DOCK7: variants seen among roughly 807,000 people sequenced by gnomAD.
DOCK7 encodes dedicator of cytokinesis 7, also known as dedicator of cytokinesis protein 7.
A neutral mutation model predicts 271.0 loss-of-function variants in DOCK7; 138 were observed. The observed-to-expected ratio is 0.51, with a 90% CI of 0.44 to 0.59. DOCK7 has a LOEUF of 0.59. Among genes scored for constraint, DOCK7 ranks in the 20% least tolerant of loss-of-function variants. DOCK7 has a pLI of 0.00. For synonymous variants in DOCK7, 823 were observed against 876.1 expected (o/e 0.94, Z 1.07); for missense variants, 2,066 against 2,592.4 (o/e 0.80, Z 4.41).
intron 2 of DOCK7, among the ~76,000 whole-genome samples, chr1:62,661,412 G>A (rs959141114): frequency 7.2e-5 from 11 of 151,756 alleles, no homozygotes; most frequent in African/African-American, 2.7e-4. Flanking sequence ...AAATAAAACT[G>A]GTTAGAATGG....
intron 42 of DOCK7, 98 bp downstream of exon 42, chr1:62,488,836 C>T: frequency 2.0e-6 from 3 of 1,479,312 alleles, no homozygotes; most frequent in Middle Eastern, 1.7e-4. Context: ...TTAAAATGGT[C>T]ATTTCACGGG....
At chr1:62,604,167 A>G (rs1285100079) in intron 14 of DOCK7, 1 of 1,613,414 alleles carries the variant, frequency 6.2e-7, no homozygotes, top group East Asian at 2.2e-5. Flanking sequence ...CCGGAAAACA[A>G]AGATTTGGTG....
At chr1:62,544,608 C>A (rs1645640279) in intron 23 of DOCK7, among the ~76,000 whole-genome samples, 1 of 151,932 alleles carries the variant, frequency 6.6e-6, no homozygotes, top group Non-Finnish European at 1.5e-5. Context: ...GGGTTTTTTC[C>A]TCCACGTAAA....
intron 33 of DOCK7, among the ~76,000 whole-genome samples, chr1:62,513,006 G>A (rs1034202374): frequency 2.6e-5 from 4 of 151,966 alleles, no homozygotes; most frequent in African/African-American, 9.7e-5. Context: ...AGGTTCACCA[G>A]TTACAACAAA....
Position 62,631,348 on chromosome 1 carries a change from C to A in DOCK7, c.1174G>T (p.Gly392Trp), listed in dbSNP as rs774746867. Residue 392 changes from glycine (G) to tryptophan (W), a missense_variant, in exon 11 of 50, where the codon GGG becomes TGG. By Grantham distance (184) the Gly-to-Trp change is radical. Transcript: ENST00000635253. Reference sequence around the variant, plus strand: ...CAAGCAAAAGGCATGCGATATTTCCCAAGTCTTTGGCAAAACTGATCTGCT... The same window carrying A: ...CAAGCAAAAGGCATGCGATATTTCCAAAGTCTTTGGCAAAACTGATCTGCT... ...SQADQFCQRL[G>W]KYRMPFAWTA... 6.2e-7 allele frequency: 1 copy of A among 1,613,108 alleles called. No homozygotes were observed. Among genetic ancestry groups the A allele is most frequent in the Admixed American group, 1.7e-5 (1 of 59,852 alleles).
intron 14 of DOCK7, 126 bp from the exon 15 acceptor site, chr1:62,586,750 G>C: frequency 3.9e-6 from 2 of 512,854 alleles, no homozygotes; most frequent in Non-Finnish European, 6.7e-6. Flanking sequence ...ATTATGCTAA[G>C]TATTTTCACA....
intron 21 of DOCK7, among the ~76,000 whole-genome samples, chr1:62,553,201 AT>A (rs1179381278): frequency 6.8e-6 from 1 of 147,166 alleles, no homozygotes; most frequent in African/African-American, 2.5e-5. Flanking sequence ...CGCCCGGCTA[AT>A]TTTTGTATTT....
At chr1:62,597,673 G>C in intron 14 of DOCK7, 1 of 1,613,412 alleles carries the variant, frequency 6.2e-7, no homozygotes, top group Non-Finnish European at 8.5e-7. Context: ...CCAAAATCAA[G>C]ATTTGCTATG....
intron 21 of DOCK7, 67 bp from the exon 22 acceptor site, chr1:62,552,968 C>A: frequency 3.2e-6 from 4 of 1,252,474 alleles, no homozygotes; most frequent in Non-Finnish European, 4.2e-6. Flanking sequence ...GAAAAAAAAT[C>A]TCTGCCACTT....
rs528744412 is a variant in DOCK7 at position 62,638,477 on chromosome 1, G to A, written c.819-1874C>T. The A allele has an allele frequency of 1.5e-4, 23 of 150,500 alleles. No individual in the cohort carries two copies. The East Asian group carries it at 4.1e-3, about 27-fold the overall frequency. 9.3% of individuals were successfully genotyped at this position (150,500 alleles called of 1,614,324 possible). ...ACTCTCTATCTGTAAAAAAAATTTT[G>A]TGTATCATGGGAGGCAGTGGTCAAG... On this transcript the variant is annotated intron_variant, in intron 7 of 49. Coordinates refer to ENST00000635253, the MANE Select transcript of DOCK7 (RefSeq NM_001367561.1).
intron 48 of DOCK7, among the ~76,000 whole-genome samples, chr1:62,468,664 C>T (rs1353385503): frequency 2.0e-5 from 3 of 152,026 alleles, no homozygotes; most frequent in Non-Finnish European, 4.4e-5. Context: ...CTAGAAAACC[C>T]TAAAGACTCC....
chr1:62,524,204 A>G (rs1644933350), intron 31 of DOCK7, among the ~76,000 whole-genome samples: 1 of 152,192 alleles, frequency 6.6e-6, no homozygotes. Flanking sequence ...AAAAATTTAA[A>G]AATCTGACAA....
intron 2 of DOCK7, among the ~76,000 whole-genome samples, chr1:62,660,885 A>AC (rs1658581843): frequency 6.6e-6 from 1 of 152,190 alleles, no homozygotes; most frequent in East Asian, 1.9e-4. Context: ...GATCACTTGA[A>AC]CCCAGGAGTT....
At chr1:62,553,177 G>A (rs1645972320) in intron 21 of DOCK7, among the ~76,000 whole-genome samples, 2 of 148,452 alleles carry the variant, frequency 1.3e-5, no homozygotes, top group East Asian at 2.0e-4. Flanking sequence ...TGGGACTACA[G>A]GTGCGTGCCA....
chr1:62,552,999 A>G, intron 21 of DOCK7, 98 bp from the exon 22 acceptor site: 1 of 860,618 alleles, frequency 1.2e-6, no homozygotes. Flanking sequence ...CACAAAGATC[A>G]TGAATTGCTT....
chr1:62,626,259 T>C (rs561265500), intron 11 of DOCK7, among the ~76,000 whole-genome samples: 15 of 152,110 alleles, frequency 9.9e-5, no homozygotes, highest in Non-Finnish European at 1.6e-4. Context: ...CAGCTATTAA[T>C]GTCTATTTTA....
chr1:62,459,532 G>A (rs1645449361), intron 48 of DOCK7, among the ~76,000 whole-genome samples: 1 of 151,844 alleles, frequency 6.6e-6, no homozygotes, highest in Admixed American at 6.6e-5. Flanking sequence ...TTACAAAACT[G>A]TACAATTTCA....
intron 14 of DOCK7, chr1:62,597,978 G>C: frequency 3.2e-6 from 5 of 1,559,146 alleles, no homozygotes; most frequent in Non-Finnish European, 4.3e-6. Flanking sequence ...TCAACAAAAA[G>C]TGAAATATTT....
chr1:62,554,105 T>C (rs1356397525), intron 21 of DOCK7, among the ~76,000 whole-genome samples: 2 of 152,178 alleles, frequency 1.3e-5, no homozygotes, highest in Admixed American at 1.3e-4. Context: ...TCAGTGACAA[T>C]GTGAATAACA....
Sources: allele counts gnomAD v4.1 joint callset (sites outside exome capture counted in the v4.1 genomes callset), GRCh38; gene constraint gnomAD v4.1.1; transcripts MANE v1.5; gene names NCBI Gene and HGNC (gene_info 2026-07-23, HGNC 2026-07-21).